Variants in AK4 observed in about 807,000 individuals in gnomAD.
AK4 encodes adenylate kinase 4, mitochondrial.
Under a neutral mutation model 24.6 loss-of-function variants are expected in AK4, and 13 were observed. That is an observed-to-expected ratio of 0.53 (90% CI 0.34 to 0.84). AK4 has a LOEUF of 0.84. Among genes scored for constraint, AK4 ranks in the 40% least tolerant of loss-of-function variants. The probability of loss-of-function intolerance (pLI) is 0.01; values close to 1 mark genes in which losing one functional copy is unlikely to be tolerated. For missense variants in AK4, 192 were observed against 288.2 expected, an observed-to-expected ratio of 0.67 and a Z score of 2.42; for synonymous variants, 88 against 107.0, an observed-to-expected ratio of 0.82 and a Z score of 1.10.
chr1:65,202,526 G>A (rs1651693295), intron 2 of AK4, among the ~76,000 whole-genome samples: 1 of 152,126 alleles, frequency 6.6e-6, no homozygotes, highest in Non-Finnish European at 1.5e-5. Context: ...GATGCACCTA[G>A]CCCATTTGCC....
intron 1 of AK4, among the ~76,000 whole-genome samples, chr1:65,183,848 A>G (rs571892729): frequency 2.0e-5 from 3 of 152,262 alleles, no homozygotes; most frequent in Non-Finnish European, 4.4e-5. Context: ...GTGTTTTGGC[A>G]TATGTGCTGC....
chr1:65,177,587 C>A (rs1277862975), intron 1 of AK4, among the ~76,000 whole-genome samples: 1 of 152,214 alleles, frequency 6.6e-6, no homozygotes, highest in African/African-American at 2.4e-5. Flanking sequence ...CTTCCTGCTG[C>A]TTCTGTCAGA....
chr1:65,217,353 A>G (rs917472736), intron 2 of AK4, among the ~76,000 whole-genome samples: 1 of 152,170 alleles, frequency 6.6e-6, no homozygotes, highest in African/African-American at 2.4e-5. Context: ...ATGAATACCC[A>G]TTTTTAAGTT....
intron 2 of AK4, among the ~76,000 whole-genome samples, chr1:65,194,138 A>G (rs1651397294): frequency 6.6e-6 from 1 of 152,188 alleles, no homozygotes; most frequent in Non-Finnish European, 1.5e-5. Flanking sequence ...TCAGAGTTCA[A>G]ACCCGTATCT....
chr1:65,220,460 T>C (rs1652262206), intron 3 of AK4, among the ~76,000 whole-genome samples: 1 of 152,180 alleles, frequency 6.6e-6, no homozygotes, highest in Admixed American at 6.5e-5. Flanking sequence ...GGAGAAATCT[T>C]CTGAAAGTGT....
chr1:65,148,533 G>T lies in AK4; in HGVS notation c.126G>T (p.Glu42Asp), dbSNP rs536559371. ...TCTCCAGCGGCCACTTCTTGCGGGAGAACATCAAGGCCAGCACCGGTGAGG... is the reference window on the plus strand; with the variant it reads ...TCTCCAGCGGCCACTTCTTGCGGGATAACATCAAGGCCAGCACCGGTGAGG... ...QHLSSGHFLR[E>D]NIKASTEVGE... is the part of the protein sequence containing the mutation. The change falls in exon 1 of 5, where the codon GAG becomes GAT. Residue 42 changes from glutamate (E) to aspartate (D), a missense_variant. Glu to Asp is a conservative substitution (Grantham distance 45). Transcript: ENST00000327299. 7 of 1,600,396 alleles carry T rather than the reference G, an allele frequency of 4.4e-6. No homozygotes were observed. Among genetic ancestry groups the T allele is most frequent in the Non-Finnish European group, 6.0e-6 (7 of 1,173,624 alleles).
Position 65,230,028 on chromosome 1 carries a change from T to C in AK4, c.*3851T>C, listed in dbSNP as rs557109533. ...GTACCATTGTCTATTCCATTACACA[T>C]TAACATGACTCTGAATGCCAGATCC... On this transcript the variant is annotated 3_prime_UTR_variant, in exon 5 of 5. Transcript: ENST00000327299. 6.6e-6 allele frequency: 1 copy of C among 152,344 alleles called. No homozygotes were observed. The highest frequency in any genetic ancestry group is 2.1e-4 in the South Asian group (1 of 4,818). 9.4% of individuals were successfully genotyped at this position (152,344 alleles called of 1,614,324 possible).
chr1:65,214,142 C>A (rs1402082358), intron 2 of AK4, among the ~76,000 whole-genome samples: 1 of 152,128 alleles, frequency 6.6e-6, no homozygotes, highest in Non-Finnish European at 1.5e-5. Context: ...GATGGAGTCC[C>A]TCTCTGTTGC....
At chr1:65,215,246 A>G (rs1652096603) in intron 2 of AK4, among the ~76,000 whole-genome samples, 1 of 149,988 alleles carries the variant, frequency 6.7e-6, no homozygotes, top group African/African-American at 2.5e-5. Flanking sequence ...ATCTCTACTC[A>G]CTGCAATCTC....
intron 2 of AK4, among the ~76,000 whole-genome samples, chr1:65,199,541 C>A (rs1027137327): frequency 1.3e-5 from 2 of 151,828 alleles, no homozygotes; most frequent in African/African-American, 2.4e-5. Context: ...AGTGCAGTAG[C>A]CCAGGCGACT....
chr1:65,182,888 A>G (rs1339291147), intron 1 of AK4, among the ~76,000 whole-genome samples: 1 of 152,192 alleles, frequency 6.6e-6, no homozygotes, highest in East Asian at 1.9e-4. Flanking sequence ...TGGCAGTGTA[A>G]GAGCCTCTAT....
intron 2 of AK4, among the ~76,000 whole-genome samples, chr1:65,200,736 C>G (rs1651637219): frequency 6.6e-6 from 1 of 151,970 alleles, no homozygotes; most frequent in Non-Finnish European, 1.5e-5. Flanking sequence ...AGTAGAGCAA[C>G]AAAGAGACTA....
intron 2 of AK4, among the ~76,000 whole-genome samples, chr1:65,200,157 A>G (rs1012726282): frequency 7.7e-6 from 1 of 130,276 alleles, no homozygotes; most frequent in African/African-American, 3.0e-5. Flanking sequence ...TTTGCTGCCC[A>G]GGCTGGAGTG....
At chr1:65,189,211 A>C (rs965259783) in intron 1 of AK4, among the ~76,000 whole-genome samples, 12 of 151,972 alleles carry the variant, frequency 7.9e-5, no homozygotes, top group Admixed American at 1.3e-4. Context: ...CTGGGATTAC[A>C]GGCGTGAGCC....
In AK4 at chr1:65,199,635, G is replaced by T. The variant is rs528338299; in HGVS notation, c.265+8806G>T. Among the ~76,000 whole-genome samples, 5 of 152,310 alleles carry T rather than the reference G, an allele frequency of 3.3e-5. No individual in the cohort carries two copies. In the South Asian group the frequency reaches 1.0e-3, roughly 32 times the overall value. ...AATGCTGTGTCTTTAAGTTTGTGTTGTAAAGTAGGTTTGACAATTTTTATC... is the reference window on the plus strand; with the variant it reads ...AATGCTGTGTCTTTAAGTTTGTGTTTTAAAGTAGGTTTGACAATTTTTATC... On this transcript the variant is annotated intron_variant, in intron 2 of 4. Coordinates refer to ENST00000327299, the MANE Select transcript of AK4 (RefSeq NM_013410.4).
chr1:65,214,958 C>T (rs1424954759), intron 2 of AK4, among the ~76,000 whole-genome samples: 2 of 152,076 alleles, frequency 1.3e-5, no homozygotes, highest in East Asian at 3.9e-4. Flanking sequence ...TAGAGTTAAG[C>T]CTGACAGAAA....
At chr1:65,180,340 T>A (rs1034287243) in intron 1 of AK4, among the ~76,000 whole-genome samples, 1 of 152,118 alleles carries the variant, frequency 6.6e-6, no homozygotes, top group Admixed American at 6.5e-5. Context: ...CCCAGCTACT[T>A]AGGAGGCTGA....
At chr1:65,155,820 C>T (rs1043566415) in intron 1 of AK4, among the ~76,000 whole-genome samples, 1 of 151,732 alleles carries the variant, frequency 6.6e-6, no homozygotes, top group East Asian at 1.9e-4. Flanking sequence ...TAGGCACTTG[C>T]CACCATGCCT....
chr1:65,214,301 G>A (rs556988467), intron 2 of AK4, among the ~76,000 whole-genome samples: 1 of 152,126 alleles, frequency 6.6e-6, no homozygotes, highest in South Asian at 2.1e-4. Context: ...AGTAGAGATG[G>A]GGTTTTGCCA....
Sources: allele counts gnomAD v4.1 joint callset (sites outside exome capture counted in the v4.1 genomes callset), GRCh38; gene constraint gnomAD v4.1.1; transcripts MANE v1.5; gene names NCBI Gene and HGNC (gene_info 2026-07-23, HGNC 2026-07-21).